Variants in TRIM4 observed in about 807,000 individuals in gnomAD.
TRIM4 encodes the protein tripartite motif containing 4, also known as E3 ubiquitin-protein ligase TRIM4.
In TRIM4, 29 loss-of-function variants were observed where a neutral mutation model predicts 33.7. The ratio of observed to expected loss-of-function variants is 0.86; its 90% CI spans 0.64 to 1.17. The LOEUF (loss-of-function observed/expected upper bound fraction) is 1.17. Ranked by LOEUF, TRIM4 falls within the 50% of genes most tolerant of loss-of-function variation. TRIM4 has a pLI of 0.00. For missense variants in TRIM4, 554 were observed against 593.7 expected, an observed-to-expected ratio of 0.93 and a Z score of 0.69; for synonymous variants, 224 against 233.0, an observed-to-expected ratio of 0.96 and a Z score of 0.35.
chr7:99,902,794 T>C (rs1195082884), intron 5 of TRIM4, among the ~76,000 whole-genome samples: 1 of 149,744 alleles, frequency 6.7e-6, no homozygotes, highest in African/African-American at 2.4e-5. Context: ...GAAACAGTCA[T>C]CCCTGTTTTC....
intron 3 of TRIM4, among the ~76,000 whole-genome samples, chr7:99,903,937 C>T (rs552083919): frequency 6.6e-6 from 1 of 152,272 alleles, no homozygotes; most frequent in East Asian, 1.9e-4. Context: ...CTTTGAGCTT[C>T]CACTCTTCTC....
chr7:99,916,807 T>C, intron 1 of TRIM4: 1 of 780,240 alleles, frequency 1.3e-6, no homozygotes, highest in Non-Finnish European at 2.4e-6. Flanking sequence ...ATCATATCAT[T>C]CCCTGCCTTA....
At chr7:99,910,410 A>G (rs1819412883) in intron 1 of TRIM4, among the ~76,000 whole-genome samples, 1 of 152,250 alleles carries the variant, frequency 6.6e-6, no homozygotes, top group African/African-American at 2.4e-5. Flanking sequence ...TCCACTAATT[A>G]GGAATTATTA....
chr7:99,904,075 T>C (rs1046835201), intron 3 of TRIM4, among the ~76,000 whole-genome samples: 14 of 152,182 alleles, frequency 9.2e-5, no homozygotes, highest in African/African-American at 3.4e-4. Context: ...TACCCTAAGT[T>C]ATAACACAAA....
chr7:99,912,331 G>A (rs1353102213), intron 1 of TRIM4, among the ~76,000 whole-genome samples: 3 of 152,130 alleles, frequency 2.0e-5, no homozygotes, highest in African/African-American at 7.2e-5. Flanking sequence ...AAGAGTTCGA[G>A]ACCAGCCTGG....
At chr7:99,893,967 C>CT (rs74857142) in intron 5 of TRIM4, among the ~76,000 whole-genome samples, 3,840 of 137,136 alleles carry the variant, frequency 0.028, 307 homozygotes, top group Admixed American at 0.18. Context: ...CATGGTTTTC[C>CT]TTTTTTTTTT....
In TRIM4 at chr7:99,892,332, C is replaced by T. The variant is rs753207069; in HGVS notation, c.1256G>A (p.Arg419Gln). 1.7e-5 allele frequency: 28 copies of T among 1,614,068 alleles called. 1 individual carries two copies. The highest frequency in any genetic ancestry group is 1.9e-5 in the Non-Finnish European group (22 of 1,180,042). ...CCCACGATCCAGGTAAACCCCCACT[C>T]GGTGGAGAGCTGGCTCTTGCTGGGT... ...TPTQQEPALH[R>Q]VGVYLDRGTG... Residue 419 changes from arginine (R) to glutamine (Q), a missense_variant, in exon 6 of 6, where the codon CGA (arginine) becomes CAA (glutamine). Transcript: ENST00000349062.
Position 99,890,480 on chromosome 7 carries a change from C to G in TRIM4, c.*1683G>C, listed in dbSNP as rs1379220068. On this transcript the variant is annotated 3_prime_UTR_variant, in exon 6 of 6. Coordinates refer to ENST00000349062, the MANE Select transcript of TRIM4 (RefSeq NM_033091.3). The stretch of plus-strand genomic sequence containing the variant: ...ACATGGAATCAACCTAAATGCCCAT[C>G]AACAGTAGACTGGATAAAGAAAACA... The G allele has an allele frequency of 1.3e-5, 2 of 152,166 alleles. No homozygotes were observed. The highest frequency in any genetic ancestry group is 2.9e-5 in the Non-Finnish European group (2 of 68,042). The allele number at this position is 152,166 out of a possible 1,614,324, so 9.4% of individuals were successfully genotyped here.
intron 5 of TRIM4, among the ~76,000 whole-genome samples, chr7:99,898,787 T>C (rs1819084528): frequency 6.6e-6 from 1 of 152,202 alleles, no homozygotes; most frequent in Non-Finnish European, 1.5e-5. Context: ...GCACATTAAT[T>C]AAAACCAAAT....
chr7:99,919,499 C>T lies in TRIM4; in HGVS notation c.-98G>A, dbSNP rs1368417562. On this transcript the variant is annotated 5_prime_UTR_variant, in exon 1 of 6. Transcript: ENST00000349062. ...GGGAGGCCAGACGACTTCCGAACCG[C>T]CGTCACCGCCTCACGTAAAAGGGTA... is the stretch of plus-strand genomic sequence containing the variant. 4.6e-6 allele frequency: 6 copies of T among 1,292,130 alleles called. No homozygotes were observed. The highest frequency in any genetic ancestry group is 6.1e-6 in the Non-Finnish European group (6 of 977,338). 80.0% of individuals were successfully genotyped at this position (1,292,130 alleles called of 1,614,324 possible).
chr7:99,917,853 A>G, intron 1 of TRIM4: 17 of 985,452 alleles, frequency 1.7e-5, no homozygotes, highest in Non-Finnish European at 2.0e-5. Flanking sequence ...AAGGATGATC[A>G]GGGAAGGTCT....
intron 5 of TRIM4, among the ~76,000 whole-genome samples, chr7:99,894,909 AATG>A (rs1818983096): frequency 6.6e-6 from 1 of 152,176 alleles, no homozygotes; most frequent in African/African-American, 2.4e-5. Context: ...CAGAATCTGT[AATG>A]ATGTCACCTT....
intron 3 of TRIM4, among the ~76,000 whole-genome samples, chr7:99,905,272 G>A (rs1405611726): frequency 1.3e-5 from 2 of 152,132 alleles, no homozygotes; most frequent in Non-Finnish European, 2.9e-5. Flanking sequence ...GTGTAAACTG[G>A]AACAATCACT....
At chr7:99,899,758 G>T (rs1819112597) in intron 5 of TRIM4, among the ~76,000 whole-genome samples, 1 of 152,182 alleles carries the variant, frequency 6.6e-6, no homozygotes, top group Admixed American at 6.5e-5. Context: ...GTGGGTGGGT[G>T]TGTGTGCGCA....
intron 3 of TRIM4, among the ~76,000 whole-genome samples, chr7:99,904,456 T>A (rs1021012827): frequency 5.3e-5 from 8 of 152,192 alleles, no homozygotes; most frequent in Non-Finnish European, 1.2e-4. Context: ...AAATCTGGTA[T>A]CCTGGGTGTG....
chr7:99,903,319 A>G lies in TRIM4; in HGVS notation c.744-4T>C, dbSNP rs372112864. 1.6e-4 allele frequency: 251 copies of G among 1,600,114 alleles called. No individual in the cohort carries two copies. The highest frequency in any genetic ancestry group is 1.2e-3 in the Middle Eastern group (7 of 6,052). ...GTTCACATCCTGGATCTCACTCCTAAGAAGGTAGAGAAGACTGCTCTTAGG... is the reference window on the plus strand; with the variant it reads ...GTTCACATCCTGGATCTCACTCCTAGGAAGGTAGAGAAGACTGCTCTTAGG... On this transcript the variant is annotated splice_polypyrimidine_tract_variant and splice_region_variant and intron_variant, in intron 4 of 5. Transcript: ENST00000349062.
intron 5 of TRIM4, among the ~76,000 whole-genome samples, chr7:99,902,745 A>G (rs767722088): frequency 4.0e-5 from 6 of 151,064 alleles, no homozygotes; most frequent in Non-Finnish European, 7.4e-5. Context: ...CCACCCCTCC[A>G]TGTTCTCCAC....
Position 99,891,408 on chromosome 7 carries a change from A to G in TRIM4, c.*755T>C, listed in dbSNP as rs1157597938. 1 of 152,282 alleles carries G rather than the reference A, an allele frequency of 6.6e-6. No homozygotes were observed. Among genetic ancestry groups the G allele is most frequent in the African/African-American group, 2.4e-5 (1 of 41,468 alleles). 9.4% of individuals were successfully genotyped at this position (152,282 alleles called of 1,614,324 possible). ...TATTTAACAAGCGTTCAACATTCTC[A>G]TGATGACATGAATAACACTGTACAT... On this transcript the variant is annotated 3_prime_UTR_variant, in exon 6 of 6. Coordinates refer to ENST00000349062, the MANE Select transcript of TRIM4 (RefSeq NM_033091.3).
intron 5 of TRIM4, among the ~76,000 whole-genome samples, chr7:99,899,302 C>T (rs561565438): frequency 1.3e-5 from 2 of 152,276 alleles, no homozygotes; most frequent in Admixed American, 6.5e-5. Flanking sequence ...TGGAAGGTCC[C>T]AGGTGGAGAT....
Sources: allele counts gnomAD v4.1 joint callset (sites outside exome capture counted in the v4.1 genomes callset), GRCh38; gene constraint gnomAD v4.1.1; transcripts MANE v1.5; gene names NCBI Gene and HGNC (gene_info 2026-07-23, HGNC 2026-07-21).